CNBD1: variants seen among roughly 807,000 people sequenced by gnomAD.
CNBD1 encodes cyclic nucleotide-binding domain-containing protein 1.
A neutral mutation model predicts 54.4 loss-of-function variants in CNBD1; 71 were observed. The observed-to-expected ratio is 1.30, with a 90% CI of 1.08 to 1.59. The LOEUF (loss-of-function observed/expected upper bound fraction) is 1.59. Ranked by LOEUF, CNBD1 falls within the 40% of genes most tolerant of loss-of-function variation. The pLI, the probability that CNBD1 is intolerant of heterozygous loss-of-function variation, is 0.00. For missense variants in CNBD1, 659 were observed against 518.0 expected (o/e 1.27, Z -2.64); for synonymous variants, 182 against 170.7 (o/e 1.07, Z -0.51).
At chr8:87,425,812 G>T (rs981928987) in intron 2 of CNBD1, among the ~76,000 whole-genome samples, 2 of 152,094 alleles carry the variant, frequency 1.3e-5, no homozygotes, top group East Asian at 1.9e-4. Context: ...GCCTACAGAG[G>T]CAGGCAGGCC....
intron 4 of CNBD1, among the ~76,000 whole-genome samples, chr8:87,183,368 T>C (rs1281913571): frequency 7.0e-6 from 1 of 143,590 alleles, no homozygotes; most frequent in African/African-American, 2.6e-5. Context: ...GTTTGTTTGT[T>C]TGTTTTTGCG....
intron 4 of CNBD1, among the ~76,000 whole-genome samples, chr8:87,041,663 G>A (rs1306297933): frequency 6.6e-6 from 1 of 152,150 alleles, no homozygotes; most frequent in Non-Finnish European, 1.5e-5. Context: ...GCCGGGCATG[G>A]TGGTGGGTGC....
chr8:87,387,144 C>T (rs890110440), downstream of CNBD1, among the ~76,000 whole-genome samples: 18 of 152,214 alleles, frequency 1.2e-4, no homozygotes, highest in African/African-American at 3.1e-4. Context: ...CCAGCCACTG[C>T]GAAAACATGC....
intron 4 of CNBD1, among the ~76,000 whole-genome samples, chr8:87,201,837 C>T (rs939768492): frequency 6.6e-6 from 1 of 152,172 alleles, no homozygotes; most frequent in Non-Finnish European, 1.5e-5. Context: ...TCTTGGCTCA[C>T]TGTCTCCCAG....
At chr8:87,349,126 C>A (rs1206009185) in intron 8 of CNBD1, among the ~76,000 whole-genome samples, 2 of 151,998 alleles carry the variant, frequency 1.3e-5, no homozygotes. Flanking sequence ...ATGATTAAGT[C>A]TTTTCATTTA....
chr8:87,376,808 A>C (rs1810950188), intron 10 of CNBD1, among the ~76,000 whole-genome samples: 1 of 151,918 alleles, frequency 6.6e-6, no homozygotes, highest in African/African-American at 2.4e-5. Context: ...ATTTGTAAGT[A>C]TTGGAGCCAG....
intron 8 of CNBD1, among the ~76,000 whole-genome samples, chr8:87,348,154 G>T (rs1309177575): frequency 6.6e-6 from 1 of 152,024 alleles, no homozygotes; most frequent in Non-Finnish European, 1.5e-5. Context: ...CTTTAAATGT[G>T]CCACAGAATT....
chr8:86,897,276 AG>A (rs1316529036), intron 2 of CNBD1, among the ~76,000 whole-genome samples: 1 of 152,244 alleles, frequency 6.6e-6, no homozygotes, highest in African/African-American at 2.4e-5. Flanking sequence ...AAAAACAAAA[AG>A]TACCTCAATA....
At chr8:87,246,337 T>C (rs1439613645) in intron 6 of CNBD1, among the ~76,000 whole-genome samples, 1 of 152,162 alleles carries the variant, frequency 6.6e-6, no homozygotes, top group Non-Finnish European at 1.5e-5. Context: ...AAACCCCAAA[T>C]GGATGATGCC....
intron 8 of CNBD1, among the ~76,000 whole-genome samples, chr8:87,332,140 G>C (rs1007754702): frequency 1.3e-5 from 2 of 152,156 alleles, no homozygotes; most frequent in Non-Finnish European, 2.9e-5. Flanking sequence ...TTGAGGTCAG[G>C]AGTTCGAGAT....
chr8:87,062,420 A>G, intron 4 of CNBD1, among the ~76,000 whole-genome samples: 1 of 152,184 alleles, frequency 6.6e-6, no homozygotes, highest in African/African-American at 2.4e-5. Context: ...TTGATTGCTT[A>G]CTATAAACCA....
intron 8 of CNBD1, among the ~76,000 whole-genome samples, chr8:87,347,129 A>G (rs1810191017): frequency 6.6e-6 from 1 of 152,076 alleles, no homozygotes; most frequent in African/African-American, 2.4e-5. Flanking sequence ...TTTCTTACCC[A>G]CCGCCAGACA....
chr8:87,315,680 A>G (rs1809371250), intron 8 of CNBD1, among the ~76,000 whole-genome samples: 1 of 152,060 alleles, frequency 6.6e-6, no homozygotes, highest in African/African-American at 2.4e-5. Context: ...ATTGGAGGTC[A>G]AATTTCAACA....
At chr8:86,942,083 A>T (rs1196163585) in intron 4 of CNBD1, among the ~76,000 whole-genome samples, 2 of 152,192 alleles carry the variant, frequency 1.3e-5, no homozygotes, top group African/African-American at 4.8e-5. Context: ...TTTTTATGAG[A>T]TGTTTAATAT....
At chr8:86,891,085 T>G (rs1055687486) in intron 2 of CNBD1, among the ~76,000 whole-genome samples, 5 of 152,080 alleles carry the variant, frequency 3.3e-5, no homozygotes, top group African/African-American at 1.2e-4. Flanking sequence ...TGCAGAAGCT[T>G]TTAGTTTGAT....
intron 2 of CNBD1, among the ~76,000 whole-genome samples, chr8:87,426,036 G>A (rs1808042012): frequency 6.6e-6 from 1 of 152,212 alleles, no homozygotes; most frequent in South Asian, 2.1e-4. Context: ...CGTTTTTTAA[G>A]CCCGTCGGAA....
intron 10 of CNBD1, among the ~76,000 whole-genome samples, chr8:87,369,395 C>T (rs972824737): frequency 6.6e-6 from 1 of 151,946 alleles, no homozygotes; most frequent in Admixed American, 6.6e-5. Context: ...TATGTAATTA[C>T]CTCTGCTCAT....
At chr8:87,228,596 G>A (rs548139157) in intron 5 of CNBD1, among the ~76,000 whole-genome samples, 12 of 150,572 alleles carry the variant, frequency 8.0e-5, no homozygotes, top group African/African-American at 1.7e-4. Context: ...CAGTCCGCCC[G>A]TTCTCAGATC....
intron 8 of CNBD1, among the ~76,000 whole-genome samples, chr8:87,317,492 G>A (rs1262350200): frequency 6.6e-6 from 1 of 151,332 alleles, no homozygotes; most frequent in Non-Finnish European, 1.5e-5. Context: ...ATTGTTATTT[G>A]AAAATATTTA....
Sources: allele counts gnomAD v4.1 joint callset (sites outside exome capture counted in the v4.1 genomes callset), GRCh38; gene constraint gnomAD v4.1.1; transcripts MANE v1.5; gene names NCBI Gene and HGNC (gene_info 2026-07-23, HGNC 2026-07-21).